THSD7A: variants seen among roughly 807,000 people sequenced by gnomAD.
The protein encoded by THSD7A is thrombospondin type-1 domain-containing protein 7A.
In THSD7A, 96 loss-of-function variants were observed where a neutral mutation model predicts 231.3. That is an observed-to-expected ratio of 0.41 (90% confidence interval 0.35 to 0.49). The LOEUF (loss-of-function observed/expected upper bound fraction) is 0.49, where lower values mean the gene tolerates loss of function less well. THSD7A is among the 20% of genes least tolerant of loss of function. THSD7A has a pLI of 0.05. For synonymous variants in THSD7A, 940 were observed against 743.3 expected (o/e 1.26, Z -4.30); for missense variants, 2,290 against 2,070.2 (o/e 1.11, Z -2.06).
chr7:11,675,770 G>T (rs184010161), intron 1 of THSD7A, among the ~76,000 whole-genome samples: 1 of 152,286 alleles, frequency 6.6e-6, no homozygotes, highest in Non-Finnish European at 1.5e-5. Context: ...CCCAGTAAGG[G>T]GCTTATAGAT....
chr7:11,469,424 A>G (rs957606580), intron 9 of THSD7A, among the ~76,000 whole-genome samples: 12 of 152,106 alleles, frequency 7.9e-5, no homozygotes, highest in African/African-American at 2.7e-4. Flanking sequence ...CAGAGAAACA[A>G]TTTGGCCATT....
intron 2 of THSD7A, among the ~76,000 whole-genome samples, chr7:11,620,080 T>G (rs554857809): frequency 3.3e-5 from 5 of 152,336 alleles, no homozygotes; most frequent in Non-Finnish European, 7.4e-5. Context: ...TGTGATGAAC[T>G]GTCTCAATAA....
chr7:11,384,955 T>TAAAC (rs1268139931), intron 23 of THSD7A: 2 of 152,024 alleles, frequency 1.3e-5, no homozygotes, highest in East Asian at 3.9e-4. Context: ...TTTTTATTCA[T>TAAAC]AAACATTTTC....
intron 1 of THSD7A, among the ~76,000 whole-genome samples, chr7:11,710,593 A>G (rs1325618326): frequency 1.3e-5 from 2 of 150,932 alleles, no homozygotes; most frequent in African/African-American, 4.8e-5. Flanking sequence ...AGAATTAACA[A>G]GCACTTCTTG....
intron 2 of THSD7A, among the ~76,000 whole-genome samples, chr7:11,626,580 G>T (rs1467653164): frequency 6.6e-6 from 1 of 152,076 alleles, no homozygotes; most frequent in Non-Finnish European, 1.5e-5. Context: ...TTTACAGGTA[G>T]ACATTGACAA....
chr7:11,405,232 A>G (rs1251412072), intron 22 of THSD7A, among the ~76,000 whole-genome samples: 1 of 150,018 alleles, frequency 6.7e-6, no homozygotes, highest in Non-Finnish European at 1.5e-5. Context: ...TCCAGGTTTT[A>G]GGGACTCAAT....
chr7:11,684,923 T>A (rs1353582787), intron 1 of THSD7A, among the ~76,000 whole-genome samples: 2 of 151,856 alleles, frequency 1.3e-5, no homozygotes, highest in Non-Finnish European at 2.9e-5. Flanking sequence ...AAAGCAATCC[T>A]AAAGAAAATG....
chr7:11,500,751 A>G (rs1787298489), intron 6 of THSD7A, among the ~76,000 whole-genome samples: 2 of 152,172 alleles, frequency 1.3e-5, no homozygotes, highest in East Asian at 1.9e-4. Context: ...CCTGGCCAAG[A>G]TGGTGAAAAC....
intron 1 of THSD7A, among the ~76,000 whole-genome samples, chr7:11,828,697 T>G (rs1372750204): frequency 2.6e-5 from 4 of 151,636 alleles, no homozygotes; most frequent in Non-Finnish European, 4.4e-5. Context: ...AAACTCTTTG[T>G]TGTGAGTTGA....
chr7:11,557,790 C>T (rs772549136), intron 4 of THSD7A, among the ~76,000 whole-genome samples: 1 of 152,022 alleles, frequency 6.6e-6, no homozygotes, highest in African/African-American at 2.4e-5. Flanking sequence ...GTGGGGAGTG[C>T]TTTACCAGAT....
chr7:11,564,274 G>A (rs1360294919), intron 4 of THSD7A, among the ~76,000 whole-genome samples: 8 of 152,158 alleles, frequency 5.3e-5, no homozygotes, highest in Admixed American at 1.3e-4. Context: ...AACACTGCTG[G>A]TGAGGAGGGA....
At position 11,406,246 on chromosome 7, in the gene THSD7A, C is replaced by T; in HGVS notation, c.4237+54G>A. ...TACTTTATATGCAACCCCTTCACGG[C>T]CCTTGTCCTAGGAAAAAATAATCAG... On this transcript the variant is annotated intron_variant, in intron 22 of 27. Transcript: ENST00000423059. This position sits in a 1 kb window ranked among gnomAD's most constrained non-coding sequence, Gnocchi z 4.7. 6.5e-7 allele frequency: 1 copy of T among 1,538,066 alleles called. No individual in the cohort carries two copies. The highest frequency in any genetic ancestry group is 8.8e-7 in the Non-Finnish European group (1 of 1,138,974).
At chr7:11,659,029 A>G (rs371202647) in intron 1 of THSD7A, among the ~76,000 whole-genome samples, 7 of 151,778 alleles carry the variant, frequency 4.6e-5, no homozygotes, top group African/African-American at 1.7e-4. Flanking sequence ...TACATGACAC[A>G]TTTTAGGTTT....
intron 6 of THSD7A, among the ~76,000 whole-genome samples, chr7:11,517,314 G>A (rs528041550): frequency 4.9e-4 from 75 of 152,038 alleles, no homozygotes; most frequent in Middle Eastern, 6.8e-3. Context: ...TCCTGACCTC[G>A]TGATCCGCCC....
At chr7:11,569,029 C>T (rs576310193) in intron 4 of THSD7A, among the ~76,000 whole-genome samples, 1 of 149,110 alleles carries the variant, frequency 6.7e-6, no homozygotes, top group East Asian at 1.9e-4. Context: ...TCACCACACA[C>T]AAAAATCAAC....
rs182607779 is a variant in THSD7A at position 11,452,226 on chromosome 7, A to G, written c.2606-4802T>C. On this transcript the variant is annotated intron_variant, in intron 11 of 27. Transcript: ENST00000423059. ...GAAAAAAATGGCAATAGCGAGAATGAATCATGTAGAAATGAAGAAGAAAAA... is the reference window on the plus strand; with the variant it reads ...GAAAAAAATGGCAATAGCGAGAATGGATCATGTAGAAATGAAGAAGAAAAA... Among the ~76,000 whole-genome samples, 142 of 152,180 alleles carry G rather than the reference A, an allele frequency of 9.3e-4. 1 individual carries two copies. Among genetic ancestry groups the G allele is most frequent in the African/African-American group, 3.1e-3 (128 of 41,556 alleles).
Position 11,634,707 on chromosome 7 carries a change from A to T in THSD7A, c.1022+1423T>A, listed in dbSNP as rs1781771736. 6.6e-6 allele frequency among the ~76,000 whole-genome samples: 1 copy of T among 152,108 alleles called. No individual in the cohort carries two copies. The highest frequency in any genetic ancestry group is 6.6e-5 in the Admixed American group (1 of 15,266). On this transcript the variant is annotated intron_variant, in intron 2 of 27. Coordinates refer to ENST00000423059, the MANE Select transcript of THSD7A (RefSeq NM_015204.3). This position sits in a 1 kb window ranked among gnomAD's most constrained non-coding sequence, Gnocchi z 4.1. ...GGCCACAGGACCAGAACTAGAATGG[A>T]AAAAGGGCAAATTACCGTACAGCTG...
chr7:11,509,278 A>G (rs1485973214), intron 6 of THSD7A, among the ~76,000 whole-genome samples: 2 of 152,154 alleles, frequency 1.3e-5, no homozygotes, highest in Non-Finnish European at 2.9e-5. Flanking sequence ...GCAATTGGCA[A>G]GTACTAGAGC....
At chr7:11,540,566 T>C (rs1027110757) in intron 6 of THSD7A, among the ~76,000 whole-genome samples, 1 of 152,212 alleles carries the variant, frequency 6.6e-6, no homozygotes, top group Non-Finnish European at 1.5e-5. Flanking sequence ...TTCTCTGATG[T>C]GCAGAGTCAT....
Sources: gnomAD v4.1 joint callset for allele counts (sites outside exome capture counted in the v4.1 genomes callset) on GRCh38, gnomAD v4.1.1 for gene constraint, Gnocchi (gnomAD v3.1) non-coding constraint, MANE v1.5 for transcripts, NCBI Gene and HGNC (gene_info 2026-07-23, HGNC 2026-07-21) for gene names.